The following LRRC58 variants were observed in gnomAD, a reference collection of about 807,000 sequenced individuals.
LRRC58 encodes leucine rich repeat containing 58.
LRRC58 carries 18 observed loss-of-function variants against 30.6 expected under a neutral mutation model. That is an observed-to-expected ratio of 0.59 (90% CI 0.41 to 0.87). The LOEUF is 0.87. Among genes scored for constraint, LRRC58 ranks in the 40% least tolerant of loss-of-function variants. The pLI is 0.00. For synonymous variants in LRRC58, 221 were observed against 206.0 expected, an observed-to-expected ratio of 1.07 and a Z score of -0.62; for missense variants, 420 against 468.4, an observed-to-expected ratio of 0.90 and a Z score of 0.95.
chr3:120,347,401 T>TTTTTTTTTTTTTTTTTTTC, intron 1 of LRRC58, among the ~76,000 whole-genome samples: 1 of 113,438 alleles, frequency 8.8e-6, no homozygotes, highest in Non-Finnish European at 1.9e-5. Context: ...TTTTTTTTTT[T>TTTTTTTTTTTTTTTTTTTC]TGAGACAGAG....
At chr3:120,344,978 G>A (rs1271812390) in intron 1 of LRRC58, among the ~76,000 whole-genome samples, 2 of 152,170 alleles carry the variant, frequency 1.3e-5, no homozygotes, top group Non-Finnish European at 1.5e-5. Flanking sequence ...TTGATGGAAA[G>A]TAACTACATC....
intron 3 of LRRC58, among the ~76,000 whole-genome samples, 163 bp downstream of exon 3, chr3:120,334,699 A>C (rs1935810178): frequency 6.6e-6 from 1 of 152,168 alleles, no homozygotes; most frequent in African/African-American, 2.4e-5. Context: ...CTAAAATATT[A>C]TGAAAAAGAA....
rs1935708441 is a variant in LRRC58 at position 120,328,205 on chromosome 3, T to C, written c.*2995A>G. The C allele has an allele frequency of 6.6e-6, 1 of 152,170 alleles. No individual in the cohort carries two copies. The highest frequency in any genetic ancestry group is 2.1e-4 in the South Asian group (1 of 4,824). The allele number at this position is 152,170 out of a possible 1,614,324, so 9.4% of individuals were successfully genotyped here. On this transcript the variant is annotated 3_prime_UTR_variant, in exon 4 of 4. Coordinates refer to ENST00000295628, the MANE Select transcript of LRRC58 (RefSeq NM_001099678.2). ...ACTGAGGACCGTAGCCTGAGGACCA[T>C]AGCCAGCTGGTCCTTAATGTCAGCC...
chr3:120,328,846 C>T lies in LRRC58; in HGVS notation c.*2354G>A, dbSNP rs1031837116. 7.9e-5 allele frequency: 12 copies of T among 152,118 alleles called. No individual in the cohort carries two copies. Among genetic ancestry groups the T allele is most frequent in the African/African-American group, 2.9e-4 (12 of 41,438 alleles). The allele number at this position is 152,118 out of a possible 1,614,324, so 9.4% of individuals were successfully genotyped here. A position where few individuals can be genotyped will look rare whatever the true frequency, so the allele number is the denominator to read the frequency against. Reference sequence around the variant, plus strand: ...TAAATGTAGACTTCATTAAAAATTACCAAAAGACAGTTGTATGCTGATCAT... The same window carrying T: ...TAAATGTAGACTTCATTAAAAATTATCAAAAGACAGTTGTATGCTGATCAT... On this transcript the variant is annotated 3_prime_UTR_variant, in exon 4 of 4. Transcript: ENST00000295628.
At chr3:120,345,589 C>CTCAAGTAAA (rs1164911763) in intron 1 of LRRC58, among the ~76,000 whole-genome samples, 1 of 152,190 alleles carries the variant, frequency 6.6e-6, no homozygotes, top group Non-Finnish European at 1.5e-5. Context: ...ACTATCTCGC[C>CTCAAGTAAA]TCAAGTAAAT....
intron 1 of LRRC58, among the ~76,000 whole-genome samples, chr3:120,345,655 C>T (rs1935958799): frequency 6.6e-6 from 1 of 152,200 alleles, no homozygotes; most frequent in Non-Finnish European, 1.5e-5. Context: ...TGAATCGGGT[C>T]ACTGCCAAGG....
chr3:120,348,831 G>C lies in LRRC58; in HGVS notation c.413C>G (p.Ser138Trp), dbSNP rs1186753079. 3.1e-6 allele frequency: 5 copies of C among 1,606,100 alleles called. No homozygotes were observed. Among genetic ancestry groups the C allele is most frequent in the Admixed American group, 1.7e-5 (1 of 59,028 alleles). The change falls in exon 1 of 4, where the codon TCG becomes TGG. Residue 138 changes from serine to tryptophan, a missense_variant. Coordinates refer to ENST00000295628, the MANE Select transcript of LRRC58 (RefSeq NM_001099678.2). Reference protein sequence around the residue: ...SGNCFQEVPASLLELRALQTL... With the variant: ...SGNCFQEVPAWLLELRALQTL... ...CTGCAGCGCGCGCAGCTCTAAGAGC[G>C]AGGCAGGCACCTCCTGGAAACAGTT...
chr3:120,336,489 C>T (rs935435826), intron 1 of LRRC58, among the ~76,000 whole-genome samples: 2 of 152,158 alleles, frequency 1.3e-5, no homozygotes, highest in Non-Finnish European at 2.9e-5. Flanking sequence ...ATTACAAGAA[C>T]CCTGAATTCT....
rs1264294694 is a variant in LRRC58, at chr3:120,349,187, G to A, written c.57C>T (p.Ser19=). The change falls in exon 1 of 4, where the codon TCC becomes TCT. Residue 19 remains serine (S), a synonymous_variant. Transcript: ENST00000295628. ...GCGTCTCGGTGGACACGCTGAGGCGGGACCAGTTCAGTTCGGCCTCCCCGG... is the reference window on the plus strand; with the variant it reads ...GCGTCTCGGTGGACACGCTGAGGCGAGACCAGTTCAGTTCGGCCTCCCCGG... The part of the protein sequence containing the change: ...VTAGEAELNW[S]RLSVSTETLE... The A allele has an allele frequency of 6.1e-6, 9 of 1,482,240 alleles. No homozygotes were observed. The highest frequency in any genetic ancestry group is 8.0e-6 in the Non-Finnish European group (9 of 1,124,126). 91.8% of individuals were successfully genotyped at this position (1,482,240 alleles called of 1,614,324 possible).
At chr3:120,347,729 G>A (rs1433371645) in intron 1 of LRRC58, among the ~76,000 whole-genome samples, 1 of 152,108 alleles carries the variant, frequency 6.6e-6, no homozygotes, top group East Asian at 1.9e-4. Flanking sequence ...TTAACTCTGA[G>A]GTCCCTTCTA....
intron 1 of LRRC58, among the ~76,000 whole-genome samples, chr3:120,348,060 ATTG>A (rs1935996780): frequency 6.6e-6 from 1 of 152,188 alleles, no homozygotes; most frequent in Admixed American, 6.5e-5. Context: ...AACGAAAAAA[ATTG>A]TTGTGCAGGG....
intron 1 of LRRC58, among the ~76,000 whole-genome samples, chr3:120,342,932 A>G (rs1453869259): frequency 2.6e-5 from 4 of 152,228 alleles, no homozygotes; most frequent in African/African-American, 9.6e-5. Context: ...TGTGTTGTTT[A>G]TAAGTCACTC....
rs1935829427 is a variant in LRRC58, at chr3:120,335,902, T to C, written c.552A>G (p.Glu184=). 27 of 1,600,828 alleles carry C rather than the reference T, an allele frequency of 1.7e-5. No individual in the cohort carries two copies. Among genetic ancestry groups the C allele is most frequent in the Non-Finnish European group, 2.1e-5 (25 of 1,168,308 alleles). The change falls in exon 2 of 4, where the codon GAA becomes GAG. Residue 184 remains glutamate (E), a synonymous_variant. Transcript: ENST00000295628. ...GGNFIKEIPP[E]LGNLPSLNYL... is the part of the protein sequence containing the mutation. The stretch of plus-strand genomic sequence containing the variant: ...AATTCAGAGAAGGCAGATTTCCTAA[T>C]TCTGGTGGGATTTCTTTAATGAAAT...
chr3:120,334,583 G>A (rs547410233), intron 3 of LRRC58, among the ~76,000 whole-genome samples: 1 of 152,178 alleles, frequency 6.6e-6, no homozygotes, highest in African/African-American at 2.4e-5. Flanking sequence ...TAAACAATTA[G>A]AACTGTTTAT....
chr3:120,330,099 T>A lies in LRRC58; in HGVS notation c.*1101A>T, dbSNP rs574747959. The A allele has an allele frequency of 6.6e-6, 1 of 152,238 alleles. No individual in the cohort carries two copies. Among genetic ancestry groups the A allele is most frequent in the East Asian group, 1.9e-4 (1 of 5,196 alleles). 9.4% of individuals were successfully genotyped at this position (152,238 alleles called of 1,614,324 possible). On this transcript the variant is annotated 3_prime_UTR_variant, in exon 4 of 4. Transcript: ENST00000295628. ...TCCATTTTTATTTGGCTTGTTGTGA[T>A]GTTTTTCTAGTTGTATTAGTTTTTC...
At chr3:120,335,802 TA>T (rs1302475461) in intron 2 of LRRC58, 22 bp downstream of exon 2, 1 of 1,597,044 alleles carries the variant, frequency 6.3e-7, no homozygotes, top group Non-Finnish European at 8.6e-7. Context: ...TCTGCGTATA[TA>T]CAAATGCCTG....
intron 1 of LRRC58, among the ~76,000 whole-genome samples, chr3:120,340,934 A>T (rs544135375): frequency 2.0e-5 from 3 of 152,052 alleles, no homozygotes; most frequent in Non-Finnish European, 2.9e-5. Flanking sequence ...TGACACTTTT[A>T]AAAAAACGTA....
rs1034759005 is a variant in LRRC58 at position 120,348,982 on chromosome 3, G to C, written c.262C>G (p.Leu88Val). The change falls in exon 1 of 4, where the codon CTC becomes GTC. Residue 88 changes from leucine (L) to valine (V), a missense_variant. By Grantham distance (32) the Leu-to-Val change is conservative. This residue lies in a region of LRRC58 where 266 missense variants were observed against 251.7 expected (regional missense o/e 1.06). Coordinates refer to ENST00000295628, the MANE Select transcript of LRRC58 (RefSeq NM_001099678.2). ...NALTALGPEL[L>V]ALRGLRTLLA... ...AGCGTGCGCAGGCCGCGCAGAGCGA[G>C]CAGCTCCGGCCCGAGCGCGGTCAAC... 14 of 1,533,928 alleles carry C rather than the reference G, an allele frequency of 9.1e-6. No individual in the cohort carries two copies. Among genetic ancestry groups the C allele is most frequent in the African/African-American group, 1.4e-5 (1 of 71,646 alleles).
Position 120,326,497 on chromosome 3 carries a change from T to C in LRRC58, c.*4703A>G, listed in dbSNP as rs1439633713. On this transcript the variant is annotated 3_prime_UTR_variant, in exon 4 of 4. Coordinates refer to ENST00000295628, the MANE Select transcript of LRRC58 (RefSeq NM_001099678.2). ...AATTGTACACTATTAAATTCATTAA[T>C]GTTATACAGGGCATAGCACTTAATA... 1 of 152,184 alleles carries C rather than the reference T, an allele frequency of 6.6e-6. No homozygotes were observed. The highest frequency in any genetic ancestry group is 2.4e-5 in the African/African-American group (1 of 41,444). The allele number at this position is 152,184 out of a possible 1,614,324, so 9.4% of individuals were successfully genotyped here.
Sources: allele counts gnomAD v4.1 joint callset (sites outside exome capture counted in the v4.1 genomes callset), GRCh38; gene constraint gnomAD v4.1.1; regional missense constraint gnomAD v4.1.1; transcripts MANE v1.5; gene names NCBI Gene and HGNC (gene_info 2026-07-23, HGNC 2026-07-21).